The following PTPRQ variants were observed in gnomAD, a reference collection of about 807,000 sequenced individuals.
PTPRQ encodes the protein phosphatidylinositol phosphatase PTPRQ.
PTPRQ carries 199 observed loss-of-function variants against 246.0 expected under a neutral mutation model. The observed-to-expected ratio is 0.81, with a 90% CI of 0.72 to 0.91. PTPRQ has a LOEUF of 0.91. Among genes scored for constraint, PTPRQ ranks in the 40% least tolerant of loss-of-function variants. PTPRQ has a pLI of 0.00. For missense variants in PTPRQ, 2,624 were observed against 2,528.4 expected (o/e 1.04, Z -0.81); for synonymous variants, 869 against 853.2 (o/e 1.02, Z -0.32).
intron 17 of PTPRQ, among the ~76,000 whole-genome samples, chr12:80,520,125 T>G (rs958980823): frequency 6.6e-6 from 1 of 152,110 alleles, no homozygotes; most frequent in Non-Finnish European, 1.5e-5. Flanking sequence ...GTCTGTTCTC[T>G]CAGCCTCGTG....
intron 3 of PTPRQ, among the ~76,000 whole-genome samples, chr12:80,446,635 C>G (rs1007052716): frequency 1.3e-5 from 2 of 151,728 alleles, no homozygotes; most frequent in East Asian, 3.9e-4. Flanking sequence ...CATTGTTATG[C>G]CCATGTGTAC....
At chr12:80,514,339 A>C (rs1355784201) in intron 17 of PTPRQ, among the ~76,000 whole-genome samples, 2 of 149,112 alleles carry the variant, frequency 1.3e-5, no homozygotes, top group African/African-American at 5.0e-5. Flanking sequence ...GAACGTAGAA[A>C]ACACTTTTCC....
At chr12:80,621,486 T>C (rs984512102) in intron 32 of PTPRQ, among the ~76,000 whole-genome samples, 3 of 151,968 alleles carry the variant, frequency 2.0e-5, no homozygotes, top group Non-Finnish European at 2.9e-5. Context: ...TCTCTGAGGA[T>C]CTTAGATTCT....
chr12:80,468,685 T>G (rs12296942), intron 6 of PTPRQ, 25 bp from the exon 7 acceptor site: 1 of 1,513,546 alleles, frequency 6.6e-7, no homozygotes, highest in East Asian at 2.5e-5. Context: ...ATATGTTATG[T>G]ATTTATTTTC....
chr12:80,540,503 A>T (rs994626073), intron 20 of PTPRQ, among the ~76,000 whole-genome samples: 3 of 152,120 alleles, frequency 2.0e-5, no homozygotes, highest in African/African-American at 7.2e-5. Context: ...GAATACAGTG[A>T]TAAGTGGATC....
At chr12:80,472,048 G>C in intron 7 of PTPRQ, 57 bp from the exon 8 acceptor site, 1 of 1,542,986 alleles carries the variant, frequency 6.5e-7, no homozygotes, top group Non-Finnish European at 8.8e-7. Flanking sequence ...ACTTAAATGT[G>C]AACATGATTG....
rs540852301 is a variant in PTPRQ, at chr12:80,613,847, G to A, written c.5163+11G>A. The A allele has an allele frequency of 4.0e-4, 595 of 1,479,388 alleles. 8 individuals carry two copies. In the South Asian group the frequency reaches 7.7e-3, roughly 19 times the overall value. The allele number at this position is 1,479,388 out of a possible 1,614,324, so 91.6% of individuals were successfully genotyped here. A position where few individuals can be genotyped will look rare whatever the true frequency, so the allele number is the denominator to read the frequency against. ...ACATACAATATCAGTGTAAGAATCC[G>A]TAGCTTCAGTTAATTACCCAAATGA... On this transcript the variant is annotated intron_variant, in intron 29 of 44. Coordinates refer to ENST00000644991, the MANE Select transcript of PTPRQ (RefSeq NM_001145026.2).
At chr12:80,615,199 C>CT (rs569762294) in intron 29 of PTPRQ, among the ~76,000 whole-genome samples, 10 of 149,774 alleles carry the variant, frequency 6.7e-5, no homozygotes, top group South Asian at 4.2e-4. Context: ...ATTTTTAATA[C>CT]TTTTTTTTTG....
intron 25 of PTPRQ, among the ~76,000 whole-genome samples, chr12:80,554,854 T>C (rs1164156408): frequency 6.6e-6 from 1 of 152,184 alleles, no homozygotes; most frequent in East Asian, 1.9e-4. Flanking sequence ...GTGATCCTTC[T>C]ACCTCAGCCT....
intron 43 of PTPRQ, among the ~76,000 whole-genome samples, chr12:80,677,949 G>A (rs1901198745): frequency 6.6e-6 from 1 of 152,002 alleles, no homozygotes; most frequent in South Asian, 2.1e-4. Context: ...GATGCTAGTA[G>A]GTTATTGAAT....
At chr12:80,647,626 A>G (rs1900118694) in intron 35 of PTPRQ, among the ~76,000 whole-genome samples, 1 of 152,152 alleles carries the variant, frequency 6.6e-6, no homozygotes, top group Non-Finnish European at 1.5e-5. Context: ...ATATTCAGAC[A>G]TTCTATTTTC....
chr12:80,558,469 T>TC lies in PTPRQ; in HGVS notation c.4285+8735_4285+8736insC, dbSNP rs1383982952. Among the ~76,000 whole-genome samples, 4 of 145,656 alleles carry TC rather than the reference T, an allele frequency of 2.7e-5. No individual in the cohort carries two copies. The East Asian group carries it at 8.2e-4, about 30-fold the overall frequency. On this transcript the variant is annotated intron_variant, in intron 25 of 44. Coordinates refer to ENST00000644991, the MANE Select transcript of PTPRQ (RefSeq NM_001145026.2). ...AGACATGAGCCACTGCACCTGGCCT[T>TC]TTTTTTTTTTTTTTTTTCTTTTTGG...
At chr12:80,604,963 A>G in intron 26 of PTPRQ, 96 bp from the exon 27 acceptor site, 2 of 1,212,646 alleles carry the variant, frequency 1.6e-6, no homozygotes, top group Non-Finnish European at 2.1e-6. Context: ...AAATTAATTT[A>G]TTATGACTAT....
In PTPRQ at chr12:80,652,827, A is replaced by G; in HGVS notation, c.6108A>G (p.Ile2036Met). 6.7e-7 allele frequency: 1 copy of G among 1,502,208 alleles called. No individual in the cohort carries two copies. Among genetic ancestry groups the G allele is most frequent in the Non-Finnish European group, 8.9e-7 (1 of 1,125,864 alleles). The allele number at this position is 1,502,208 out of a possible 1,614,324, so 93.1% of individuals were successfully genotyped here. Residue 2036 changes from isoleucine (I) to methionine (M), a missense_variant, in exon 38 of 45, where the codon ATA becomes ATG. By Grantham distance (10) the Ile-to-Met change is conservative. Transcript: ENST00000644991. ...WNRAKNRFPN[I>M]KPYNNNRVKL... ...GAGCAAAAAACCGCTTCCCAAACAT[A>G]AAACCATGTATGTGCATTTGTTGGT...
chr12:80,568,201 T>C (rs1897035761), intron 25 of PTPRQ, among the ~76,000 whole-genome samples: 1 of 152,152 alleles, frequency 6.6e-6, no homozygotes, highest in Admixed American at 6.5e-5. Context: ...TAAATGTATG[T>C]GAAAACAAAA....
chr12:80,514,406 T>TCC (rs1565756838), intron 17 of PTPRQ, among the ~76,000 whole-genome samples: 4 of 52,022 alleles, frequency 7.7e-5, no homozygotes, highest in Non-Finnish European at 1.6e-4. Flanking sequence ...ACACACACTC[T>TCC]CTCTCTCTCT....
In PTPRQ at chr12:80,588,279, C is replaced by G; in HGVS notation, c.4436C>G (p.Ser1479Cys). Residue 1479 changes from serine to cysteine, a missense_variant, in exon 26 of 45, where the codon TCC (serine) becomes TGC (cysteine). Coordinates refer to ENST00000644991, the MANE Select transcript of PTPRQ (RefSeq NM_001145026.2). ...GCTCAAAAATGCAAAGAATGGGAAT[C>G]CGAAGAATGTGTTGAATATCAAAAA... Reference protein sequence around the residue: ...LRAQKCKEWESEECVEYQKIQ... With the variant: ...LRAQKCKEWECEECVEYQKIQ... The G allele has an allele frequency of 6.4e-7, 1 of 1,551,522 alleles. No individual in the cohort carries two copies. Among genetic ancestry groups the G allele is most frequent in the South Asian group, 1.2e-5 (1 of 84,054 alleles).
At chr12:80,531,329 T>A in intron 17 of PTPRQ, among the ~76,000 whole-genome samples, 1 of 152,098 alleles carries the variant, frequency 6.6e-6, no homozygotes, top group Middle Eastern at 3.4e-3. Flanking sequence ...AAATAAAACA[T>A]AATGGAACAC....
chr12:80,607,723 G>A (rs1460831614), intron 27 of PTPRQ, among the ~76,000 whole-genome samples: 2 of 150,786 alleles, frequency 1.3e-5, no homozygotes, highest in Non-Finnish European at 3.0e-5. Context: ...TAGCCACACC[G>A]ATAAAACTCT....
Sources: gnomAD v4.1 joint callset for allele counts (sites outside exome capture counted in the v4.1 genomes callset) on GRCh38, gnomAD v4.1.1 for gene constraint, MANE v1.5 for transcripts, NCBI Gene and HGNC (gene_info 2026-07-23, HGNC 2026-07-21) for gene names.